Variants in RPS6KA2 observed in about 807,000 individuals in gnomAD.
RPS6KA2 encodes ribosomal protein S6 kinase alpha-2.
In RPS6KA2, 42 loss-of-function variants were observed where a neutral mutation model predicts 91.8. The ratio of observed to expected loss-of-function variants is 0.46; its 90% CI spans 0.36 to 0.59. RPS6KA2 has a LOEUF of 0.59. Ranked by LOEUF, RPS6KA2 falls within the 20% of genes least tolerant of loss-of-function variation. The probability of loss-of-function intolerance (pLI) is 0.00; values close to 1 mark genes in which losing one functional copy is unlikely to be tolerated. For missense variants in RPS6KA2, 798 were observed against 978.5 expected, an observed-to-expected ratio of 0.82 and a Z score of 2.46; for synonymous variants, 414 against 393.6, an observed-to-expected ratio of 1.05 and a Z score of -0.61.
intron 2 of RPS6KA2, among the ~76,000 whole-genome samples, chr6:166,820,868 C>T (rs1779889456): frequency 6.6e-6 from 1 of 152,166 alleles, no homozygotes; most frequent in Non-Finnish European, 1.5e-5. Context: ...TATAATTAAC[C>T]AATTACTACG....
At chr6:166,424,722 G>A (rs1402431758) in intron 16 of RPS6KA2, among the ~76,000 whole-genome samples, 3 of 152,224 alleles carry the variant, frequency 2.0e-5, no homozygotes, top group African/African-American at 4.8e-5. Flanking sequence ...CCTGGATCAC[G>A]GTGAGGCCCA....
chr6:166,772,577 C>A (rs79280772), intron 2 of RPS6KA2, among the ~76,000 whole-genome samples: 1 of 152,148 alleles, frequency 6.6e-6, no homozygotes, highest in Admixed American at 6.5e-5. Context: ...ACATAAATGA[C>A]GCTTTTACAG....
At chr6:166,668,632 G>A (rs68183641) in intron 2 of RPS6KA2, among the ~76,000 whole-genome samples, 1 of 152,010 alleles carries the variant, frequency 6.6e-6, no homozygotes, top group Non-Finnish European at 1.5e-5. Context: ...GACAACCTGG[G>A]AACACTGAGA....
intron 2 of RPS6KA2, among the ~76,000 whole-genome samples, chr6:166,817,724 CT>C (rs1350262632): frequency 0.017 from 1,542 of 91,196 alleles, 9 homozygotes; most frequent in Non-Finnish European, 0.025. Flanking sequence ...TTCTTTTTTT[CT>C]TTTTTTTTTT....
At chr6:166,568,667 AT>A (rs1196957917) in intron 1 of RPS6KA2, among the ~76,000 whole-genome samples, 1 of 142,032 alleles carries the variant, frequency 7.0e-6, no homozygotes. Context: ...AAAAAGCAAA[AT>A]TTTTTACTGG....
At chr6:166,698,498 C>G (rs1486358466) in intron 2 of RPS6KA2, among the ~76,000 whole-genome samples, 1 of 152,154 alleles carries the variant, frequency 6.6e-6, no homozygotes, top group Non-Finnish European at 1.5e-5. Flanking sequence ...TTCTCAAAGG[C>G]TGATGAGGTT....
At chr6:166,461,271 C>T (rs75290244) in intron 11 of RPS6KA2, among the ~76,000 whole-genome samples, 7 of 152,218 alleles carry the variant, frequency 4.6e-5, no homozygotes, top group African/African-American at 7.2e-5. Context: ...AATGAAAAGA[C>T]GCTGCTTTCT....
chr6:166,722,742 G>T (rs9459727), intron 2 of RPS6KA2, among the ~76,000 whole-genome samples: 2 of 152,230 alleles, frequency 1.3e-5, no homozygotes, highest in Non-Finnish European at 2.9e-5. Flanking sequence ...GCTTCTCCAC[G>T]TGAAGCAAAT....
At chr6:166,649,624 A>G (rs1046685564) in intron 2 of RPS6KA2, among the ~76,000 whole-genome samples, 1 of 152,122 alleles carries the variant, frequency 6.6e-6, no homozygotes, top group Non-Finnish European at 1.5e-5. Flanking sequence ...ATTATTTGGG[A>G]ATTATACCTT....
chr6:166,818,175 T>C (rs1779819199), intron 2 of RPS6KA2, among the ~76,000 whole-genome samples: 1 of 152,196 alleles, frequency 6.6e-6, no homozygotes, highest in African/African-American at 2.4e-5. Flanking sequence ...TTATTAAATG[T>C]ACAGTTTATA....
intron 1 of RPS6KA2, among the ~76,000 whole-genome samples, chr6:166,587,836 T>C (rs540315551): frequency 2.4e-4 from 36 of 152,302 alleles, no homozygotes; most frequent in African/African-American, 8.4e-4. Flanking sequence ...CTGTCATTCA[T>C]GGCAGGACTT....
At chr6:166,857,127 T>C (rs1780924250) in intron 2 of RPS6KA2, among the ~76,000 whole-genome samples, 1 of 152,216 alleles carries the variant, frequency 6.6e-6, no homozygotes, top group African/African-American at 2.4e-5. Context: ...AAATGTTGCA[T>C]TGGTGTGCAT....
chr6:166,507,683 C>T (rs1263255785), intron 5 of RPS6KA2, among the ~76,000 whole-genome samples: 2 of 151,128 alleles, frequency 1.3e-5, no homozygotes, highest in Non-Finnish European at 3.0e-5. Context: ...ATGCCAAACA[C>T]ACCCCCACAT....
intron 10 of RPS6KA2, among the ~76,000 whole-genome samples, chr6:166,476,526 T>C (rs1780981299): frequency 1.3e-5 from 2 of 152,200 alleles, no homozygotes; most frequent in South Asian, 4.1e-4. Flanking sequence ...TTCTAGCTTA[T>C]TGTTTTGTCC....
In RPS6KA2 at chr6:166,573,555, T is replaced by C. The variant is rs190437197; in HGVS notation, c.100-34771A>G. On this transcript the variant is annotated intron_variant, in intron 1 of 20. Coordinates refer to ENST00000265678, the MANE Select transcript of RPS6KA2 (RefSeq NM_021135.6). ...GGTGCCTCCCTGCAGAATGTGCCCC[T>C]GGGTCAGGCTGCAGCTGACTTTTTA... 2.3e-4 allele frequency among the ~76,000 whole-genome samples: 35 copies of C among 152,364 alleles called. No individual in the cohort carries two copies. The East Asian group carries it at 6.6e-3, about 29-fold the overall frequency.
intron 2 of RPS6KA2, among the ~76,000 whole-genome samples, chr6:166,794,270 G>A (rs1270412052): frequency 6.7e-6 from 1 of 150,074 alleles, no homozygotes; most frequent in Non-Finnish European, 1.5e-5. Context: ...ATCATCACTG[G>A]CCATCAGAGA....
chr6:166,686,511 C>T (rs1174185426), intron 2 of RPS6KA2, among the ~76,000 whole-genome samples: 1 of 152,204 alleles, frequency 6.6e-6, no homozygotes, highest in African/African-American at 2.4e-5. Flanking sequence ...GCTCTGCACC[C>T]AAGGCCATGT....
intron 19 of RPS6KA2, among the ~76,000 whole-genome samples, chr6:166,416,853 C>T (rs1231411239): frequency 6.6e-6 from 1 of 152,110 alleles, no homozygotes; most frequent in Non-Finnish European, 1.5e-5. Flanking sequence ...ACCACTTCTG[C>T]CATCCCTACA....
At chr6:166,587,154 G>A (rs1197280202) in intron 1 of RPS6KA2, among the ~76,000 whole-genome samples, 1 of 152,206 alleles carries the variant, frequency 6.6e-6, no homozygotes, top group Non-Finnish European at 1.5e-5. Context: ...ACATAAGGAA[G>A]AAATAATTTT....
Sources: allele counts gnomAD v4.1 joint callset (sites outside exome capture counted in the v4.1 genomes callset), GRCh38; gene constraint gnomAD v4.1.1; transcripts MANE v1.5; gene names NCBI Gene and HGNC (gene_info 2026-07-23, HGNC 2026-07-21).